The following GLYATL1 variants were observed in gnomAD, a reference collection of about 807,000 sequenced individuals.
GLYATL1 encodes glycine N-acyltransferase-like protein 1.
A neutral mutation model predicts 20.0 loss-of-function variants in GLYATL1; 15 were observed. The ratio of observed to expected loss-of-function variants is 0.75; its 90% confidence interval spans 0.50 to 1.15. The LOEUF (loss-of-function observed/expected upper bound fraction) is 1.15. Among genes scored for constraint, GLYATL1 ranks in the 50% most tolerant of loss-of-function variants. GLYATL1 has a pLI of 0.00. For missense variants in GLYATL1, 380 were observed against 368.5 expected, an observed-to-expected ratio of 1.03 and a Z score of -0.26; for synonymous variants, 151 against 131.5, an observed-to-expected ratio of 1.15 and a Z score of -1.01.
intron 1 of GLYATL1, among the ~76,000 whole-genome samples, chr11:58,920,725 G>A (rs1345225849): frequency 6.6e-6 from 1 of 152,162 alleles, no homozygotes; most frequent in Non-Finnish European, 1.5e-5. Flanking sequence ...TTGGTATCGA[G>A]TCATTTTTGG....
At chr11:58,907,603 CT>C (rs1854932706) in exon 2 of GLYATL1, 2 of 328,802 alleles carry the variant, frequency 6.1e-6, no homozygotes, top group South Asian at 5.1e-5. Flanking sequence ...ATCTCTCTCA[CT>C]TCTGGATCTG....
chr11:58,941,977 T>A (rs1213665706), intron 1 of GLYATL1, among the ~76,000 whole-genome samples: 1 of 152,170 alleles, frequency 6.6e-6, no homozygotes, highest in East Asian at 1.9e-4. Flanking sequence ...GTGAAGCATA[T>A]AAAAGTTTAC....
chr11:58,940,952 G>A (rs916167912), intron 1 of GLYATL1, among the ~76,000 whole-genome samples: 3 of 152,178 alleles, frequency 2.0e-5, no homozygotes, highest in African/African-American at 7.2e-5. Context: ...AGGTGAAAGA[G>A]CGAGACCCTG....
chr11:58,950,215 C>T (rs569246165), intron 4 of GLYATL1, among the ~76,000 whole-genome samples: 4 of 150,204 alleles, frequency 2.7e-5, no homozygotes, highest in South Asian at 2.1e-4. Context: ...GGCGTGAAAC[C>T]GGGAGGCGGA....
At chr11:58,955,549 G>A in intron 6 of GLYATL1, 61 bp from the exon 7 acceptor site, 1 of 1,536,638 alleles carries the variant, frequency 6.5e-7, no homozygotes, top group Non-Finnish European at 8.9e-7. Flanking sequence ...AGATTGGGAT[G>A]GCACCTAGAA....
rs376348358 is a variant in GLYATL1 at position 58,921,663 on chromosome 11, C to T, written n.264+16002C>T. ...GACCAGCCTCTTCCATGACCGCATC[C>T]ATGACCCCTTGCAAAGCCAGCTTCT... is the stretch of plus-strand genomic sequence containing the variant. On this transcript the variant is annotated intron_variant and non_coding_transcript_variant, in intron 1 of 2. Coordinates refer to the GLYATL1 transcript ENST00000534674. Among the ~76,000 whole-genome samples, 16 of 152,230 alleles carry T rather than the reference C, an allele frequency of 1.1e-4. 1 individual carries two copies. In the East Asian group the frequency reaches 1.9e-3, roughly 18 times the overall value.
intron 1 of GLYATL1, among the ~76,000 whole-genome samples, chr11:58,940,467 G>A (rs953011963): frequency 2.0e-5 from 3 of 152,186 alleles, no homozygotes; most frequent in Non-Finnish European, 4.4e-5. Flanking sequence ...TGTATGTCTA[G>A]ATGTGTTAAT....
exon 2 of GLYATL1, chr11:58,907,563 C>CT: frequency 2.8e-6 from 1 of 357,290 alleles, no homozygotes; most frequent in South Asian, 2.2e-5. Context: ...AAGGTAATGA[C>CT]TTTTAATGTT....
chr11:58,929,928 T>G (rs1460949081), intron 1 of GLYATL1, among the ~76,000 whole-genome samples: 2 of 152,248 alleles, frequency 1.3e-5, no homozygotes, highest in Non-Finnish European at 2.9e-5. Context: ...TCTTAGAGTC[T>G]GGATCATTTC....
chr11:58,946,153 A>G (rs555219847), intron 2 of GLYATL1, among the ~76,000 whole-genome samples: 1 of 152,312 alleles, frequency 6.6e-6, no homozygotes, highest in South Asian at 2.1e-4. Flanking sequence ...AAATCTCTAT[A>G]TGACATGTTG....
chr11:58,944,271 G>A (rs1328042205), intron 2 of GLYATL1, among the ~76,000 whole-genome samples: 1 of 152,082 alleles, frequency 6.6e-6, no homozygotes, highest in Non-Finnish European at 1.5e-5. Context: ...TGGCACTATT[G>A]GATGTCAACT....
At chr11:58,950,819 G>A (rs551281554) in intron 4 of GLYATL1, among the ~76,000 whole-genome samples, 138 of 152,064 alleles carry the variant, frequency 9.1e-4, no homozygotes, top group African/African-American at 3.2e-3. Flanking sequence ...TAGCGATATT[G>A]AACATATTAT....
At chr11:58,953,390 G>GTTTTTTTTTTTTTTTTT (rs377318573) in intron 4 of GLYATL1, among the ~76,000 whole-genome samples, 1 of 110,974 alleles carries the variant, frequency 9.0e-6, no homozygotes, top group Non-Finnish European at 1.9e-5. Context: ...CTTACAGTCT[G>GTTTTTTTTTTTTTTTTT]TTTTTTTTTT....
upstream of GLYATL1, among the ~76,000 whole-genome samples, chr11:58,923,382 C>A (rs1348278409): frequency 6.6e-6 from 1 of 152,132 alleles, no homozygotes; most frequent in East Asian, 1.9e-4. Flanking sequence ...TTTAAACGCC[C>A]TCTAGAGGTT....
chr11:58,951,347 A>G (rs1856981238), intron 4 of GLYATL1, among the ~76,000 whole-genome samples: 1 of 152,094 alleles, frequency 6.6e-6, no homozygotes, highest in African/African-American at 2.4e-5. Context: ...GTCGTATAAC[A>G]TGTTATATAT....
intron 5 of GLYATL1, 79 bp from the exon 6 acceptor site, chr11:58,955,097 T>G (rs1857289282): frequency 7.3e-7 from 1 of 1,375,504 alleles, no homozygotes; most frequent in Non-Finnish European, 1.0e-6. Context: ...TACTAAGCAC[T>G]GAGGTATTAA....
At chr11:58,910,244 T>G (rs1855007212), downstream of GLYATL1, among the ~76,000 whole-genome samples, 1 of 152,164 alleles carries the variant, frequency 6.6e-6, no homozygotes, top group Admixed American at 6.5e-5. Context: ...CATGTGTAGG[T>G]TTCTGGATTT....
At chr11:58,913,154 A>C (rs1855091527), downstream of GLYATL1, among the ~76,000 whole-genome samples, 1 of 152,096 alleles carries the variant, frequency 6.6e-6, no homozygotes, top group African/African-American at 2.4e-5. Context: ...AGGGGCCAGA[A>C]CACTCCACTC....
chr11:58,937,034 C>G (rs182304162), upstream of GLYATL1, among the ~76,000 whole-genome samples: 69 of 152,214 alleles, frequency 4.5e-4, 1 homozygote, highest in Admixed American at 4.0e-3. Flanking sequence ...CTCCAGAAAC[C>G]CTCATCCTTT....
Sources: gnomAD v4.1 joint callset for allele counts (sites outside exome capture counted in the v4.1 genomes callset) on GRCh38, gnomAD v4.1.1 for gene constraint, MANE v1.5 for transcripts, NCBI Gene and HGNC (gene_info 2026-07-23, HGNC 2026-07-21) for gene names.